SVIL: variants seen among roughly 807,000 people sequenced by gnomAD.
SVIL encodes the protein supervillin, also known as archvillin.
Under a neutral mutation model 240.4 loss-of-function variants are expected in SVIL, and 101 were observed. The observed-to-expected ratio is 0.42, with a 90% CI of 0.36 to 0.50. The LOEUF is 0.50. SVIL is among the 20% of genes least tolerant of loss of function. The pLI, the probability that SVIL is intolerant of heterozygous loss-of-function variation, is 0.01. For synonymous variants in SVIL, 999 were observed against 1,100.0 expected, an observed-to-expected ratio of 0.91 and a Z score of 1.82; for missense variants, 2,512 against 2,818.7, an observed-to-expected ratio of 0.89 and a Z score of 2.46.
chr10:29,583,564 T>G (rs530155980), intron 1 of SVIL, among the ~76,000 whole-genome samples: 93 of 152,096 alleles, frequency 6.1e-4, no homozygotes, highest in African/African-American at 2.1e-3. Flanking sequence ...CCTCCTAGAG[T>G]GCTGGAATTA....
chr10:29,669,830 A>T (rs1168579938), intron 2 of SVIL, among the ~76,000 whole-genome samples: 4 of 152,184 alleles, frequency 2.6e-5, no homozygotes, highest in African/African-American at 9.6e-5. Context: ...GATAAAGGAA[A>T]GTTGCCGGCT....
At chr10:29,531,919 T>C in intron 9 of SVIL, 83 bp downstream of exon 9, 1 of 1,454,944 alleles carries the variant, frequency 6.9e-7, no homozygotes, top group Non-Finnish European at 9.4e-7. Flanking sequence ...CCTATATAAA[T>C]AGCGTCAAGA....
chr10:29,655,223 G>C (rs1589458960), intron 3 of SVIL, among the ~76,000 whole-genome samples: 1 of 152,180 alleles, frequency 6.6e-6, no homozygotes, highest in Non-Finnish European at 1.5e-5. Context: ...TGCAAGCTGG[G>C]GAAGAGAGAA....
intron 1 of SVIL, among the ~76,000 whole-genome samples, chr10:29,732,856 T>G (rs1403056754): frequency 6.6e-6 from 1 of 152,074 alleles, no homozygotes; most frequent in African/African-American, 2.4e-5. Context: ...GTTTGGGTTT[T>G]TGTTTTTTTT....
intron 1 of SVIL, among the ~76,000 whole-genome samples, chr10:29,574,862 T>C (rs953771822): frequency 1.3e-5 from 2 of 152,238 alleles, no homozygotes; most frequent in African/African-American, 4.8e-5. Context: ...TTATGATTTC[T>C]AGGTCTAGTT....
At chr10:29,710,064 A>AT (rs34323466) in intron 1 of SVIL, among the ~76,000 whole-genome samples, 31,772 of 142,864 alleles carry the variant, frequency 0.22, 3,929 homozygotes, top group East Asian at 0.42. Context: ...TTCTTTCTTA[A>AT]TTTTTTTTTT....
chr10:29,501,904 CTG>C (rs1165161543), intron 17 of SVIL, among the ~76,000 whole-genome samples: 1 of 152,188 alleles, frequency 6.6e-6, no homozygotes, highest in East Asian at 1.9e-4. Flanking sequence ...TTAGTCAACT[CTG>C]TGGTGAATTC....
intron 2 of SVIL, among the ~76,000 whole-genome samples, chr10:29,680,206 A>C (rs1272789950): frequency 6.6e-6 from 1 of 152,098 alleles, no homozygotes; most frequent in Non-Finnish European, 1.5e-5. Context: ...AAGTCTGTTT[A>C]GTCAAGGAGA....
chr10:29,573,884 C>T (rs768813169), intron 1 of SVIL, among the ~76,000 whole-genome samples: 14 of 152,086 alleles, frequency 9.2e-5, no homozygotes, highest in African/African-American at 9.7e-5. Flanking sequence ...TTAATAGAGA[C>T]GGGGTTTCGC....
At chr10:29,680,337 A>G (rs574771164) in intron 2 of SVIL, among the ~76,000 whole-genome samples, 113 of 152,312 alleles carry the variant, frequency 7.4e-4, no homozygotes, top group Non-Finnish European at 1.4e-3. Flanking sequence ...CCTGAATGGC[A>G]TCTTTAGTGA....
At chr10:29,715,336 G>A (rs891810887) in intron 1 of SVIL, among the ~76,000 whole-genome samples, 17 of 152,164 alleles carry the variant, frequency 1.1e-4, no homozygotes, top group African/African-American at 3.9e-4. Context: ...TAATTGAGAT[G>A]GATTTTTGAA....
At chr10:29,608,567 G>T (rs960737153) in intron 1 of SVIL, among the ~76,000 whole-genome samples, 2 of 152,260 alleles carry the variant, frequency 1.3e-5, no homozygotes, top group African/African-American at 4.8e-5. Flanking sequence ...AGGCAGAGGT[G>T]CCTGTTCCCA....
chr10:29,553,070 A>G (rs978994996), intron 5 of SVIL, among the ~76,000 whole-genome samples: 8 of 150,088 alleles, frequency 5.3e-5, no homozygotes, highest in Middle Eastern at 3.3e-3. Context: ...CTCCTGCCTC[A>G]GCCTCCCAAA....
intron 16 of SVIL, among the ~76,000 whole-genome samples, chr10:29,517,767 A>G (rs1950313340): frequency 6.6e-6 from 1 of 152,218 alleles, no homozygotes; most frequent in Admixed American, 6.5e-5. Context: ...AAGTGAAAGG[A>G]TGGCTCTTTT....
intron 16 of SVIL, among the ~76,000 whole-genome samples, chr10:29,514,687 G>A (rs1355290217): frequency 1.3e-5 from 2 of 152,138 alleles, no homozygotes; most frequent in East Asian, 3.9e-4. Flanking sequence ...AGACAACAGT[G>A]TATTTTTAAG....
intron 29 of SVIL, among the ~76,000 whole-genome samples, chr10:29,476,768 C>T (rs898599667): frequency 6.6e-6 from 1 of 152,168 alleles, no homozygotes; most frequent in African/African-American, 2.4e-5. Flanking sequence ...CTGCACATAC[C>T]CAAATTTAGT....
chr10:29,474,058 T>C, intron 29 of SVIL, 69 bp from the exon 30 acceptor site: 5 of 1,570,984 alleles, frequency 3.2e-6, no homozygotes, highest in Non-Finnish European at 4.3e-6. Context: ...AATGTCTGGC[T>C]CACTTTCCCC....
At chr10:29,479,115 C>T (rs762419693) in intron 29 of SVIL, among the ~76,000 whole-genome samples, 4 of 152,048 alleles carry the variant, frequency 2.6e-5, no homozygotes, top group Non-Finnish European at 5.9e-5. Context: ...AACCTCAAGT[C>T]GCCTTGCTGC....
rs148251276 is a variant in SVIL, at chr10:29,532,476, C to G, written c.1838+53G>C. The G allele has an allele frequency of 5.2e-6, 8 of 1,553,364 alleles. No homozygotes were observed. The East Asian group carries it at 1.8e-4, about 35-fold the overall frequency. On this transcript the variant is annotated intron_variant, in intron 8 of 37. Transcript: ENST00000355867. ...AACACAGGTCGAGGAGTGAATCATT[C>G]TGCCAGGGACGTGCAAGTGACACAG...
Sources: allele counts gnomAD v4.1 joint callset (sites outside exome capture counted in the v4.1 genomes callset), GRCh38; gene constraint gnomAD v4.1.1; transcripts MANE v1.5; gene names NCBI Gene and HGNC (gene_info 2026-07-23, HGNC 2026-07-21).